Variants in TLDC2 observed in about 807,000 individuals in gnomAD.
TLDC2 encodes the protein TBC/LysM-associated domain containing 2.
TLDC2 carries 23 observed loss-of-function variants against 27.9 expected under a neutral mutation model. The ratio of observed to expected loss-of-function variants is 0.82; its 90% CI spans 0.59 to 1.17. TLDC2 has a LOEUF of 1.17. Among genes scored for constraint, TLDC2 ranks in the 50% most tolerant of loss-of-function variants. The pLI is 0.00. For missense variants in TLDC2, 286 were observed against 273.4 expected (o/e 1.05, Z -0.32); for synonymous variants, 124 against 107.4 (o/e 1.16, Z -0.96).
At position 36,880,717 on chromosome 20, in the gene TLDC2, G is replaced by C. The variant is rs1568748940; in HGVS notation, c.405G>C (p.Glu135Asp). 1 of 1,614,204 alleles carries C rather than the reference G, an allele frequency of 6.2e-7. No individual in the cohort carries two copies. The highest frequency in any genetic ancestry group is 8.5e-7 in the Non-Finnish European group (1 of 1,180,030). The change falls in exon 4 of 7, where the codon GAG (glutamate) becomes GAC (aspartate). Residue 135 changes from glutamate to aspartate, a missense_variant. By Grantham distance (45) the Glu-to-Asp change is conservative. Coordinates refer to ENST00000217320, the MANE Select transcript of TLDC2 (RefSeq NM_080628.3). ...RLSKGFYGTG[E>D]TFLFSFSPQL... ...GCAAAGGCTTCTATGGTACTGGCGA[G>C]ACATTCCTCTTCTCCTTCTCCCCAC...
chr20:36,891,530 T>C (rs1990073764), intron 6 of TLDC2: 1 of 152,470 alleles, frequency 6.6e-6, no homozygotes, highest in Non-Finnish European at 1.5e-5. Flanking sequence ...GACTTTGTTC[T>C]TGGTGAATTG....
chr20:36,890,406 C>CTTTCTTTCTTTCTTTCTTTCTT (rs1601105427), intron 6 of TLDC2: 1 of 149,222 alleles, frequency 6.7e-6, no homozygotes. Context: ...CTCTTTCTTT[C>CTTTCTTTCTTTCTTTCTTTCTT]TTTCTTTCTT....
Position 36,893,201 on chromosome 20 carries a change from A to G in TLDC2, c.*357A>G. The G allele has an allele frequency of 9.5e-7, 1 of 1,053,904 alleles. No homozygotes were observed. Among genetic ancestry groups the G allele is most frequent in the East Asian group, 2.5e-5 (1 of 39,742 alleles). 65.3% of individuals were successfully genotyped at this position (1,053,904 alleles called of 1,614,324 possible). On this transcript the variant is annotated 3_prime_UTR_variant, in exon 7 of 7. Transcript: ENST00000217320. ...TTCTAGCTGTCCTCAATCCAGGGAA[A>G]CTCCAAATTACATATGCCCTGTGCT...
chr20:36,893,205 C>A lies in TLDC2; in HGVS notation c.*361C>A. 9.8e-7 allele frequency: 1 copy of A among 1,024,130 alleles called. No homozygotes were observed. Among genetic ancestry groups the A allele is most frequent in the Non-Finnish European group, 1.5e-6 (1 of 680,012 alleles). The allele number at this position is 1,024,130 out of a possible 1,614,324, so 63.4% of individuals were successfully genotyped here. On this transcript the variant is annotated 3_prime_UTR_variant, in exon 7 of 7. Coordinates refer to ENST00000217320, the MANE Select transcript of TLDC2 (RefSeq NM_080628.3). ...AGCTGTCCTCAATCCAGGGAAACTC[C>A]AAATTACATATGCCCTGTGCTTGGG...
At chr20:36,882,043 G>A (rs1989826865) in intron 4 of TLDC2, among the ~76,000 whole-genome samples, 1 of 152,294 alleles carries the variant, frequency 6.6e-6, no homozygotes, top group East Asian at 1.9e-4. Context: ...GTGAGTCAGA[G>A]CTCAGGTTTC....
rs183053199 is a variant in TLDC2 at position 36,886,431 on chromosome 20, A to C, written c.439-1024A>C. Among the ~76,000 whole-genome samples the C allele has an allele frequency of 9.2e-5, 14 of 152,260 alleles. No homozygotes were observed. The East Asian group carries it at 2.7e-3, about 29-fold the overall frequency. ...CAACATGGTGAAACCTGTTTCTACTAAAATACAAAAAGTTAGCCGGGCGTG... is the reference window on the plus strand; with the variant it reads ...CAACATGGTGAAACCTGTTTCTACTCAAATACAAAAAGTTAGCCGGGCGTG... On this transcript the variant is annotated intron_variant, in intron 4 of 6. Coordinates refer to ENST00000217320, the MANE Select transcript of TLDC2 (RefSeq NM_080628.3).
chr20:36,877,622 G>A lies in TLDC2; in HGVS notation c.34-277G>A, dbSNP rs146738598. Among the ~76,000 whole-genome samples the A allele has an allele frequency of 4.3e-3, 651 of 152,254 alleles. 4 individuals are homozygous for A. Among genetic ancestry groups the A allele is most frequent in the African/African-American group, 0.015 (634 of 41,536 alleles). On this transcript the variant is annotated intron_variant, in intron 1 of 6. Coordinates refer to ENST00000217320, the MANE Select transcript of TLDC2 (RefSeq NM_080628.3). ...TGGCAAACAGACCGACAAGTCGCACGGCCCACGGCCCCATCTGAGCCTTGT... is the reference window on the plus strand; with the variant it reads ...TGGCAAACAGACCGACAAGTCGCACAGCCCACGGCCCCATCTGAGCCTTGT...
At chr20:36,885,671 CT>C (rs960324720) in intron 4 of TLDC2, among the ~76,000 whole-genome samples, 5 of 152,146 alleles carry the variant, frequency 3.3e-5, no homozygotes, top group Non-Finnish European at 7.3e-5. Flanking sequence ...GCTAAAAACC[CT>C]TTGGTTGCTC....
In TLDC2 at chr20:36,887,313, G is replaced by A. The variant is rs867636535; in HGVS notation, c.439-142G>A. 8.1e-5 allele frequency: 59 copies of A among 729,542 alleles called. 1 individual carries two copies. The Middle Eastern group carries it at 4.2e-3, about 52-fold the overall frequency. 45.2% of individuals were successfully genotyped at this position (729,542 alleles called of 1,614,324 possible). ...TGAGAAGATAAACCCCAAGATCCCT[G>A]AGCCCGGAGTCCCACCTGCGGCTCG... On this transcript the variant is annotated intron_variant, in intron 4 of 6. Coordinates refer to ENST00000217320, the MANE Select transcript of TLDC2 (RefSeq NM_080628.3).
chr20:36,893,617 T>C lies in TLDC2; in HGVS notation c.*773T>C. The C allele has an allele frequency of 2.8e-6, 1 of 353,182 alleles. No individual in the cohort carries two copies. The highest frequency in any genetic ancestry group is 5.0e-6 in the Non-Finnish European group (1 of 198,022). 21.9% of individuals were successfully genotyped at this position (353,182 alleles called of 1,614,324 possible). ...AGAGATCCAAAGGGAGGCGATACAA[T>C]GACGTGAAACCATAGAGGTAAGAAG... On this transcript the variant is annotated 3_prime_UTR_variant, in exon 7 of 7. Transcript: ENST00000217320.
chr20:36,884,358 C>A (rs1989875859), intron 4 of TLDC2, among the ~76,000 whole-genome samples: 1 of 152,192 alleles, frequency 6.6e-6, no homozygotes, highest in African/African-American at 2.4e-5. Context: ...TGCTATTCTG[C>A]CTAGAATGTC....
intron 4 of TLDC2, among the ~76,000 whole-genome samples, chr20:36,884,632 C>A (rs1261368686): frequency 1.3e-5 from 2 of 151,972 alleles, no homozygotes; most frequent in African/African-American, 4.8e-5. Flanking sequence ...GTGGCACACA[C>A]CTGTAGTCCC....
At chr20:36,878,316 C>T (rs182135797) in intron 2 of TLDC2, among the ~76,000 whole-genome samples, 24 of 152,284 alleles carry the variant, frequency 1.6e-4, no homozygotes, top group Middle Eastern at 3.4e-3. Context: ...CGCGGTGGCT[C>T]ACGCCTGTAA....
rs1433555542 is a variant in TLDC2, at chr20:36,893,259, AG to A, written c.*417del. 7 of 660,104 alleles carry A rather than the reference AG, an allele frequency of 1.1e-5. No individual in the cohort carries two copies. In the Admixed American group the frequency reaches 1.9e-4, roughly 18 times the overall value. The allele number at this position is 660,104 out of a possible 1,614,324, so 40.9% of individuals were successfully genotyped here. A position where few individuals can be genotyped will look rare whatever the true frequency, so the allele number is the denominator to read the frequency against. ...AATTAGAAACACTACAGTCTTACGC[AG>A]GAAGAGCCTTCATGAAAACAGCCAC... On this transcript the variant is annotated 3_prime_UTR_variant, in exon 7 of 7. Coordinates refer to ENST00000217320, the MANE Select transcript of TLDC2 (RefSeq NM_080628.3).
At chr20:36,889,908 A>ACT (rs1294780855) in intron 6 of TLDC2, 3 of 107,412 alleles carry the variant, frequency 2.8e-5, no homozygotes, top group Non-Finnish European at 6.9e-5. Context: ...ATGTTCCATG[A>ACT]ATGTGTGTGT....
chr20:36,881,294 C>T (rs978809397), intron 4 of TLDC2, among the ~76,000 whole-genome samples: 14 of 151,536 alleles, frequency 9.2e-5, no homozygotes, highest in Admixed American at 8.6e-4. Context: ...ACGGGAGGAT[C>T]GTTTAAGCCC....
intron 6 of TLDC2, chr20:36,892,613 C>CA (rs1990103818): frequency 2.8e-6 from 1 of 358,654 alleles, no homozygotes; most frequent in African/African-American, 2.1e-5. Context: ...GGCAACAGAG[C>CA]AAAACCTTGT....
At chr20:36,889,200 G>T (rs749223425) in intron 5 of TLDC2, 51 bp from the exon 6 acceptor site, 2 of 1,594,778 alleles carry the variant, frequency 1.3e-6, no homozygotes, top group African/African-American at 2.7e-5. Flanking sequence ...AGAGCCTGGG[G>T]GTTTCAGCAC....
At chr20:36,879,456 T>C (rs541373530) in intron 3 of TLDC2, among the ~76,000 whole-genome samples, 15 of 152,292 alleles carry the variant, frequency 9.8e-5, no homozygotes, top group Admixed American at 7.2e-4. Context: ...CCCAGCTCTC[T>C]TGGAGCTAAT....
Sources: gnomAD v4.1 joint callset for allele counts (sites outside exome capture counted in the v4.1 genomes callset) on GRCh38, gnomAD v4.1.1 for gene constraint, MANE v1.5 for transcripts, NCBI Gene and HGNC (gene_info 2026-07-23, HGNC 2026-07-21) for gene names.